The following TMEM267 variants were observed in gnomAD, a reference collection of about 807,000 sequenced individuals.
The protein encoded by TMEM267 is transmembrane protein 267, also known as transmembrane protein C5orf28.
In TMEM267, 20 loss-of-function variants were observed where a neutral mutation model predicts 19.3. The ratio of observed to expected loss-of-function variants is 1.04; its 90% CI spans 0.73 to 1.51. TMEM267 has a LOEUF of 1.51. Among genes scored for constraint, TMEM267 ranks in the 40% most tolerant of loss-of-function variants. The pLI is 0.00. For synonymous variants in TMEM267, 88 were observed against 90.3 expected (o/e 0.97, Z 0.15); for missense variants, 242 against 261.9 (o/e 0.92, Z 0.52).
intron 1 of TMEM267, among the ~76,000 whole-genome samples, chr5:43,460,729 CCAGACTAAACT>C (rs1467889190): frequency 6.6e-6 from 1 of 152,166 alleles, no homozygotes; most frequent in East Asian, 1.9e-4. Flanking sequence ...GAAAGGAAAA[CCAGACTAAACT>C]CAGTTGATGT....
rs907922501 is a variant in TMEM267, at chr5:43,471,429, G to GA, written c.-75+12392dup. Among the ~76,000 whole-genome samples, 722 of 136,364 alleles carry GA rather than the reference G, an allele frequency of 5.3e-3. 2 individuals are homozygous for GA. The highest frequency in any genetic ancestry group is 0.016 in the African/African-American group (587 of 37,410). The allele number at this position is 136,364 out of a possible 152,430, so 89.5% of individuals were successfully genotyped here. On this transcript the variant is annotated intron_variant, in intron 1 of 2. Coordinates refer to ENST00000397080, the MANE Select transcript of TMEM267 (RefSeq NM_022483.5). ...ACTAATGACATTCTTCACAGAAACA[G>GA]AAAAAAAAAAAATCCTAAAATTTAT...
intron 1 of TMEM267, among the ~76,000 whole-genome samples, chr5:43,459,271 GA>G (rs1743119818): frequency 6.6e-6 from 1 of 151,850 alleles, no homozygotes; most frequent in Admixed American, 6.6e-5. Context: ...GACAAATAAA[GA>G]AAATTTGATC....
intron 2 of TMEM267, among the ~76,000 whole-genome samples, chr5:43,450,503 T>C (rs1165460918): frequency 6.6e-6 from 1 of 152,226 alleles, no homozygotes; most frequent in East Asian, 1.9e-4. Context: ...CTGTACTTTA[T>C]GTGCACTATC....
intron 1 of TMEM267, among the ~76,000 whole-genome samples, chr5:43,461,285 C>T (rs1383409105): frequency 2.0e-5 from 3 of 152,186 alleles, no homozygotes; most frequent in African/African-American, 4.8e-5. Flanking sequence ...AGCAGTGATA[C>T]ACAGGTACTA....
intron 1 of TMEM267, among the ~76,000 whole-genome samples, chr5:43,455,492 CAG>C (rs1742892305): frequency 6.6e-6 from 1 of 151,462 alleles, no homozygotes. Context: ...ACTAACAAAA[CAG>C]AATACAGAGT....
chr5:43,454,928 T>A (rs560149096), intron 1 of TMEM267, among the ~76,000 whole-genome samples: 1 of 152,356 alleles, frequency 6.6e-6, no homozygotes, highest in African/African-American at 2.4e-5. Context: ...GTTTTTTCTT[T>A]TACATTGTTT....
intron 1 of TMEM267, among the ~76,000 whole-genome samples, chr5:43,473,094 C>T (rs1420708870): frequency 1.4e-5 from 2 of 147,396 alleles, no homozygotes; most frequent in East Asian, 2.0e-4. Context: ...GACGAGATCA[C>T]GCCACTGCAC....
chr5:43,480,003 A>C, intron 1 of TMEM267: 1 of 337,662 alleles, frequency 3.0e-6, no homozygotes, highest in Non-Finnish European at 5.7e-6. Flanking sequence ...TGGATAAAGA[A>C]GTCAACATAT....
intron 2 of TMEM267, 149 bp downstream of exon 2, chr5:43,453,509 T>C (rs924114007): frequency 8.8e-6 from 6 of 684,718 alleles, no homozygotes; most frequent in Non-Finnish European, 1.5e-5. Flanking sequence ...TGTGCATCTT[T>C]AGGCAAGTAC....
chr5:43,471,927 C>T (rs774886934), intron 1 of TMEM267, among the ~76,000 whole-genome samples: 1 of 151,808 alleles, frequency 6.6e-6, no homozygotes, highest in African/African-American at 2.4e-5. Context: ...GTAACCAAAA[C>T]AAAAATGGAC....
intron 2 of TMEM267, among the ~76,000 whole-genome samples, chr5:43,449,931 TA>T (rs1210749289): frequency 2.0e-5 from 3 of 151,982 alleles, no homozygotes; most frequent in Non-Finnish European, 4.4e-5. Flanking sequence ...TAATAGCTGC[TA>T]AAAAAGAAAC....
chr5:43,464,489 C>G (rs1743498640), intron 1 of TMEM267, among the ~76,000 whole-genome samples: 4 of 152,240 alleles, frequency 2.6e-5, no homozygotes. Flanking sequence ...AAAGAGCCCG[C>G]ATTACCAAGT....
chr5:43,469,997 C>T (rs1265390676), intron 1 of TMEM267, among the ~76,000 whole-genome samples: 2 of 152,202 alleles, frequency 1.3e-5, no homozygotes, highest in Non-Finnish European at 2.9e-5. Context: ...TGCAGATTCA[C>T]TGAGCCAGAT....
At chr5:43,446,756 A>G (rs1262055210) in intron 2 of TMEM267, among the ~76,000 whole-genome samples, 199 bp from the exon 3 acceptor site, 1 of 152,094 alleles carries the variant, frequency 6.6e-6, no homozygotes, top group African/African-American at 2.4e-5. Flanking sequence ...TATCCTTTAC[A>G]TTAAAAATAA....
At chr5:43,462,055 G>A (rs568951916) in intron 1 of TMEM267, among the ~76,000 whole-genome samples, 1 of 152,198 alleles carries the variant, frequency 6.6e-6, no homozygotes, top group Non-Finnish European at 1.5e-5. Flanking sequence ...GGGTGCTTGG[G>A]TTACTTCACC....
intron 1 of TMEM267, among the ~76,000 whole-genome samples, chr5:43,456,868 C>A (rs1250394534): frequency 2.0e-5 from 3 of 152,296 alleles, no homozygotes; most frequent in East Asian, 3.9e-4. Flanking sequence ...GTACTCTTAC[C>A]ATATAACCCA....
At chr5:43,447,199 C>T (rs937571090) in intron 2 of TMEM267, among the ~76,000 whole-genome samples, 1 of 151,638 alleles carries the variant, frequency 6.6e-6, no homozygotes. Flanking sequence ...TTAAAATTCT[C>T]CAGCCTCAGC....
intron 1 of TMEM267, among the ~76,000 whole-genome samples, chr5:43,474,715 C>T (rs112245101): frequency 3.4e-5 from 5 of 148,928 alleles, no homozygotes; most frequent in Admixed American, 6.7e-5. Context: ...GCCAAGATCA[C>T]GCCATTGCAC....
rs116365751 is a variant in TMEM267 at position 43,478,368 on chromosome 5, G to A, written c.-75+5454C>T. On this transcript the variant is annotated intron_variant, in intron 1 of 2. Coordinates refer to ENST00000397080, the MANE Select transcript of TMEM267 (RefSeq NM_022483.5). ...ACTAGCTGCCTGGAAAACTTCCATG[G>A]TTAGATAGCTTTTGTGATCAACTGG... Among the ~76,000 whole-genome samples the A allele has an allele frequency of 4.7e-3, 718 of 152,216 alleles. 5 individuals carry two copies. Among genetic ancestry groups the A allele is most frequent in the African/African-American group, 0.016 (646 of 41,504 alleles).
Sources: gnomAD v4.1 joint callset for allele counts (sites outside exome capture counted in the v4.1 genomes callset) on GRCh38, gnomAD v4.1.1 for gene constraint, MANE v1.5 for transcripts, NCBI Gene and HGNC (gene_info 2026-07-23, HGNC 2026-07-21) for gene names.